Variants in MACROH2A1 observed in about 807,000 individuals in gnomAD.
MACROH2A1 encodes the protein core histone macro-H2A.1.
MACROH2A1 carries 2 observed loss-of-function variants against 31.6 expected under a neutral mutation model. The ratio of observed to expected loss-of-function variants is 0.06; its 90% CI spans 0.03 to 0.20. The LOEUF (loss-of-function observed/expected upper bound fraction) is 0.20. Ranked by LOEUF, MACROH2A1 falls within the 10% of genes least tolerant of loss-of-function variation. The pLI is 1.00. For missense variants in MACROH2A1, 230 were observed against 474.0 expected, an observed-to-expected ratio of 0.49 and a Z score of 4.78; for synonymous variants, 169 against 189.6, an observed-to-expected ratio of 0.89 and a Z score of 0.89.
At chr5:135,379,470 CTGGAAGAGGG>C (rs1765358541) in intron 2 of MACROH2A1, among the ~76,000 whole-genome samples, 1 of 152,174 alleles carries the variant, frequency 6.6e-6, no homozygotes, top group African/African-American at 2.4e-5. Context: ...GCAACCAGAA[CTGGAAGAGGG>C]TGGTGGGAAG....
chr5:135,390,330 GC>G (rs1370045263), intron 1 of MACROH2A1, among the ~76,000 whole-genome samples: 2 of 152,192 alleles, frequency 1.3e-5, no homozygotes, highest in Non-Finnish European at 2.9e-5. Flanking sequence ...GTGGAGGGGT[GC>G]CCCTAACTGT....
At chr5:135,341,383 A>T (rs1488422317) in intron 8 of MACROH2A1, among the ~76,000 whole-genome samples, 1 of 152,208 alleles carries the variant, frequency 6.6e-6, no homozygotes, top group African/African-American at 2.4e-5. Flanking sequence ...ACAACTGGTG[A>T]GGGGTTGCTG....
At chr5:135,363,066 C>T (rs1294983797) in intron 4 of MACROH2A1, among the ~76,000 whole-genome samples, 1 of 152,134 alleles carries the variant, frequency 6.6e-6, no homozygotes, top group African/African-American at 2.4e-5. Flanking sequence ...CCTTAGATTC[C>T]TTATTTGGAA....
intron 8 of MACROH2A1, among the ~76,000 whole-genome samples, chr5:135,336,498 C>T (rs1042614068): frequency 1.5e-5 from 2 of 136,216 alleles, no homozygotes; most frequent in Non-Finnish European, 3.1e-5. Context: ...TTCCTTCACA[C>T]ACAGGCGGCA....
chr5:135,394,454 G>A (rs148305518), intron 1 of MACROH2A1, among the ~76,000 whole-genome samples: 42 of 152,170 alleles, frequency 2.8e-4, no homozygotes, highest in African/African-American at 9.2e-4. Context: ...CTCTCTATTT[G>A]CAACAACCAG....
At chr5:135,376,506 C>T (rs1764886923) in intron 2 of MACROH2A1, among the ~76,000 whole-genome samples, 1 of 152,216 alleles carries the variant, frequency 6.6e-6, no homozygotes, top group African/African-American at 2.4e-5. Flanking sequence ...CGAATATCTT[C>T]CTTGTCAGGA....
At chr5:135,335,167 G>T in intron 8 of MACROH2A1, 26 bp from the exon 9 acceptor site, 1 of 1,600,974 alleles carries the variant, frequency 6.2e-7, no homozygotes, top group Non-Finnish European at 8.6e-7. Context: ...TAAGCACTCA[G>T]CAACTGGGAT....
intron 2 of MACROH2A1, among the ~76,000 whole-genome samples, chr5:135,375,599 T>C (rs904511056): frequency 6.6e-6 from 1 of 152,248 alleles, no homozygotes; most frequent in Non-Finnish European, 1.5e-5. Flanking sequence ...GTGTTGAGGC[T>C]GAGCCAAACT....
At chr5:135,367,803 A>T (rs1763701198) in intron 4 of MACROH2A1, among the ~76,000 whole-genome samples, 1 of 152,200 alleles carries the variant, frequency 6.6e-6, no homozygotes, top group South Asian at 2.1e-4. Flanking sequence ...AAGATGATAG[A>T]TTCAGTATCT....
intron 1 of MACROH2A1, among the ~76,000 whole-genome samples, chr5:135,392,185 GA>G (rs756343232): frequency 6.6e-6 from 1 of 152,146 alleles, no homozygotes; most frequent in Non-Finnish European, 1.5e-5. Flanking sequence ...CCACAGCCTG[GA>G]ATTGCTCACT....
intron 2 of MACROH2A1, among the ~76,000 whole-genome samples, chr5:135,378,313 CAT>C (rs1376877311): frequency 6.6e-6 from 1 of 152,246 alleles, no homozygotes; most frequent in African/African-American, 2.4e-5. Context: ...CGGGCCAGCA[CAT>C]GTCACTCCAG....
intron 6 of MACROH2A1, among the ~76,000 whole-genome samples, chr5:135,350,234 TG>T (rs1025212096): frequency 7.9e-5 from 12 of 152,116 alleles, no homozygotes; most frequent in African/African-American, 2.9e-4. Flanking sequence ...TTCTCATGAG[TG>T]GTCTAAGGAT....
intron 7 of MACROH2A1, 191 bp from the exon 8 acceptor site, chr5:135,343,625 A>T (rs774475150): frequency 7.0e-6 from 6 of 862,774 alleles, no homozygotes; most frequent in Non-Finnish European, 1.0e-5. Context: ...ACACCCTTGG[A>T]AAGTTGGCAT....
At chr5:135,351,664 G>A (rs898344828) in intron 6 of MACROH2A1, 6 of 138,466 alleles carry the variant, frequency 4.3e-5, no homozygotes, top group South Asian at 2.5e-4. Flanking sequence ...CTGGGCTCAA[G>A]CAATCCTCCT....
At chr5:135,371,411 G>A (rs1764164785) in intron 2 of MACROH2A1, among the ~76,000 whole-genome samples, 1 of 152,186 alleles carries the variant, frequency 6.6e-6, no homozygotes, top group Non-Finnish European at 1.5e-5. Flanking sequence ...CTGTATGTTT[G>A]AAATTTTTCA....
chr5:135,372,888 T>G (rs1447678984), intron 2 of MACROH2A1, among the ~76,000 whole-genome samples: 1 of 152,206 alleles, frequency 6.6e-6, no homozygotes, highest in East Asian at 1.9e-4. Context: ...CTTCCCCTTT[T>G]GGAGGCCACA....
intron 7 of MACROH2A1, chr5:135,345,566 A>T (rs1382166655): frequency 6.2e-6 from 1 of 162,280 alleles, no homozygotes. Flanking sequence ...GTAATTGGCA[A>T]ATGAGAAATG....
At chr5:135,370,205 C>G (rs1764004105) in intron 2 of MACROH2A1, 63 bp from the exon 3 acceptor site, 1 of 1,019,944 alleles carries the variant, frequency 9.8e-7, no homozygotes, top group African/African-American at 1.6e-5. Flanking sequence ...GCCCCGGTCC[C>G]CACATTCACA....
chr5:135,338,379 G>C (rs1319684198), intron 8 of MACROH2A1, among the ~76,000 whole-genome samples: 1 of 152,252 alleles, frequency 6.6e-6, no homozygotes, highest in African/African-American at 2.4e-5. Flanking sequence ...AAGCACCGGG[G>C]CATGGCACAG....
Sources: allele counts gnomAD v4.1 joint callset (sites outside exome capture counted in the v4.1 genomes callset), GRCh38; gene constraint gnomAD v4.1.1; transcripts MANE v1.5; gene names NCBI Gene and HGNC (gene_info 2026-07-23, HGNC 2026-07-21).